CHCHD3: variants seen among roughly 807,000 people sequenced by gnomAD.
The protein encoded by CHCHD3 is MICOS complex subunit MIC19.
In CHCHD3, 20 loss-of-function variants were observed where a neutral mutation model predicts 38.2. That is an observed-to-expected ratio of 0.52 (90% CI 0.37 to 0.76). The LOEUF (loss-of-function observed/expected upper bound fraction) is 0.76, where lower values mean the gene tolerates loss of function less well. Among genes scored for constraint, CHCHD3 ranks in the 30% least tolerant of loss-of-function variants. CHCHD3 has a pLI of 0.00. For synonymous variants in CHCHD3, 82 were observed against 100.0 expected (o/e 0.82, Z 1.07); for missense variants, 245 against 279.2 (o/e 0.88, Z 0.87).
At chr7:132,984,815 G>T (rs1261421557) in intron 3 of CHCHD3, among the ~76,000 whole-genome samples, 2 of 136,506 alleles carry the variant, frequency 1.5e-5, no homozygotes, top group Non-Finnish European at 3.2e-5. Flanking sequence ...AGTGAGGAGC[G>T]TCTCCGCCCG....
chr7:132,795,012 T>C (rs758382125), intron 7 of CHCHD3, among the ~76,000 whole-genome samples: 3 of 152,252 alleles, frequency 2.0e-5, no homozygotes, highest in Non-Finnish European at 4.4e-5. Flanking sequence ...CAAGACTATA[T>C]GTAGATAATT....
chr7:132,998,283 T>C (rs994290500), intron 3 of CHCHD3, among the ~76,000 whole-genome samples: 3 of 152,212 alleles, frequency 2.0e-5, no homozygotes, highest in African/African-American at 7.2e-5. Flanking sequence ...GAATGAATAA[T>C]GTTCCTGAAT....
In CHCHD3 at chr7:133,022,412, G is replaced by T; in HGVS notation, c.251+2134C>A. On this transcript the variant is annotated intron_variant, in intron 3 of 7. Transcript: ENST00000262570. ...CAATTCAGGCAATACATACAATAAC[G>T]TATACATGTTCTGTGACTCCAAAAA... 3 of 456,608 alleles carry T rather than the reference G, an allele frequency of 6.6e-6. No individual in the cohort carries two copies. The Middle Eastern group carries it at 9.8e-4, about 148-fold the overall frequency. 28.3% of individuals were successfully genotyped at this position (456,608 alleles called of 1,614,324 possible). A position where few individuals can be genotyped will look rare whatever the true frequency, so the allele number is the denominator to read the frequency against.
intron 4 of CHCHD3, among the ~76,000 whole-genome samples, chr7:132,903,992 G>A (rs1336503797): frequency 6.6e-6 from 1 of 152,144 alleles, no homozygotes; most frequent in African/African-American, 2.4e-5. Flanking sequence ...AGGCATGGTG[G>A]CTCATGCCTG....
At chr7:132,798,391 CT>C (rs1217043225) in intron 6 of CHCHD3, among the ~76,000 whole-genome samples, 2 of 152,242 alleles carry the variant, frequency 1.3e-5, no homozygotes, top group East Asian at 3.9e-4. Flanking sequence ...TTCCCTAATC[CT>C]TTACCACGAA....
chr7:133,022,556 TG>T (rs1813214976), intron 3 of CHCHD3: 1 of 441,650 alleles, frequency 2.3e-6, no homozygotes, highest in African/African-American at 2.0e-5. Context: ...ATCATATAGA[TG>T]AACACACATT....
intron 3 of CHCHD3, among the ~76,000 whole-genome samples, chr7:132,982,168 C>T (rs938618914): frequency 1.3e-5 from 2 of 152,134 alleles, no homozygotes; most frequent in African/African-American, 4.8e-5. Flanking sequence ...TAAGACTTGA[C>T]AAAAATAAGG....
At chr7:132,893,931 T>C (rs915056467) in intron 4 of CHCHD3, among the ~76,000 whole-genome samples, 2 of 152,250 alleles carry the variant, frequency 1.3e-5, no homozygotes, top group African/African-American at 2.4e-5. Flanking sequence ...CGGGTATTTC[T>C]TTATAGCAGT....
intron 2 of CHCHD3, among the ~76,000 whole-genome samples, chr7:133,042,211 T>C (rs1813853107): frequency 6.6e-6 from 1 of 152,226 alleles, no homozygotes; most frequent in Non-Finnish European, 1.5e-5. Flanking sequence ...AAAAGCAAGC[T>C]TGGTTGAAAC....
chr7:132,789,062 G>A (rs1386457556), intron 7 of CHCHD3, among the ~76,000 whole-genome samples: 3 of 152,146 alleles, frequency 2.0e-5, no homozygotes, highest in Non-Finnish European at 2.9e-5. Flanking sequence ...TTGGCTGGAG[G>A]GATCCGTAGT....
chr7:132,951,891 A>G (rs1336968021), intron 4 of CHCHD3, among the ~76,000 whole-genome samples: 1 of 152,222 alleles, frequency 6.6e-6, no homozygotes, highest in Non-Finnish European at 1.5e-5. Flanking sequence ...TGAAGAGCCC[A>G]TAAATCATGT....
rs561660155 is a variant in CHCHD3, at chr7:133,064,876, T to C, written c.169+5266A>G. ...AACAACAAAACATCTCCTAATATCA[T>C]TTCCTGTCTGTTTCTTCATATTGAT... is the stretch of plus-strand genomic sequence containing the variant. On this transcript the variant is annotated intron_variant, in intron 2 of 7. Transcript: ENST00000262570. Among the ~76,000 whole-genome samples, 329 of 152,322 alleles carry C rather than the reference T, an allele frequency of 2.2e-3. 1 individual carries two copies. Among genetic ancestry groups the C allele is most frequent in the Non-Finnish European group, 3.1e-3 (212 of 68,028 alleles).
At chr7:132,867,235 G>A (rs911724089) in intron 5 of CHCHD3, among the ~76,000 whole-genome samples, 2 of 152,026 alleles carry the variant, frequency 1.3e-5, no homozygotes, top group Non-Finnish European at 2.9e-5. Context: ...TTTATGAAAT[G>A]AACAACTACT....
At chr7:133,010,162 A>G (rs1812821820) in intron 3 of CHCHD3, among the ~76,000 whole-genome samples, 3 of 152,188 alleles carry the variant, frequency 2.0e-5, no homozygotes, top group African/African-American at 7.2e-5. Flanking sequence ...AGGTCAAGGT[A>G]CTTGCCCACT....
At chr7:133,062,119 A>G (rs755809758) in intron 2 of CHCHD3, among the ~76,000 whole-genome samples, 1 of 152,126 alleles carries the variant, frequency 6.6e-6, no homozygotes, top group Non-Finnish European at 1.5e-5. Context: ...TTAACAAGGA[A>G]AAACAAGATC....
intron 6 of CHCHD3, among the ~76,000 whole-genome samples, chr7:132,829,506 A>G (rs1024591508): frequency 6.6e-6 from 1 of 152,220 alleles, no homozygotes; most frequent in Non-Finnish European, 1.5e-5. Context: ...CCAGGAGTGT[A>G]TGGCCACAAA....
intron 3 of CHCHD3, among the ~76,000 whole-genome samples, chr7:133,018,028 T>G (rs1813076471): frequency 6.6e-6 from 1 of 152,110 alleles, no homozygotes; most frequent in Non-Finnish European, 1.5e-5. Context: ...TTAGGTCTTT[T>G]TATCAATTGT....
chr7:132,872,508 C>T (rs1219883654), intron 5 of CHCHD3, among the ~76,000 whole-genome samples: 1 of 152,184 alleles, frequency 6.6e-6, no homozygotes, highest in Non-Finnish European at 1.5e-5. Flanking sequence ...CTCTGCATCC[C>T]CTCAGAGGAA....
At chr7:133,062,912 G>C (rs1814559684) in intron 2 of CHCHD3, among the ~76,000 whole-genome samples, 1 of 152,060 alleles carries the variant, frequency 6.6e-6, no homozygotes. Flanking sequence ...TGAAGCCAGT[G>C]GTTAATCCGT....
Sources: allele counts gnomAD v4.1 joint callset (sites outside exome capture counted in the v4.1 genomes callset), GRCh38; gene constraint gnomAD v4.1.1; transcripts MANE v1.5; gene names NCBI Gene and HGNC (gene_info 2026-07-23, HGNC 2026-07-21).